The following AGBL4 variants were observed in gnomAD, a reference collection of about 807,000 sequenced individuals.
AGBL4 encodes the protein cytosolic carboxypeptidase 6.
In AGBL4, 58 loss-of-function variants were observed where a neutral mutation model predicts 66.4. The observed-to-expected ratio is 0.87, with a 90% CI of 0.71 to 1.09. AGBL4 has a LOEUF of 1.09. AGBL4 is among the 50% of genes least tolerant of loss of function. AGBL4 has a pLI of 0.00. For missense variants in AGBL4, 579 were observed against 631.0 expected (o/e 0.92, Z 0.88); for synonymous variants, 234 against 222.9 (o/e 1.05, Z -0.44).
At chr1:49,400,915 C>A (rs961713489) in intron 3 of AGBL4, among the ~76,000 whole-genome samples, 3 of 152,110 alleles carry the variant, frequency 2.0e-5, no homozygotes, top group Non-Finnish European at 4.4e-5. Flanking sequence ...AGCTTTCAGT[C>A]TTTTTCCCAT....
intron 1 of AGBL4, among the ~76,000 whole-genome samples, chr1:49,875,214 G>C (rs1056856558): frequency 2.0e-4 from 29 of 148,052 alleles, no homozygotes; most frequent in Non-Finnish European, 3.9e-4. Flanking sequence ...GTGCAGGTTA[G>C]TTACATATGT....
intron 1 of AGBL4, among the ~76,000 whole-genome samples, chr1:49,877,267 C>T (rs1345043139): frequency 1.3e-5 from 2 of 150,710 alleles, no homozygotes; most frequent in African/African-American, 2.5e-5. Context: ...CCAGTTTTTG[C>T]CCATTCAGTA....
intron 3 of AGBL4, among the ~76,000 whole-genome samples, chr1:49,573,163 T>C (rs1644367975): frequency 6.7e-6 from 1 of 150,002 alleles, no homozygotes; most frequent in Non-Finnish European, 1.5e-5. Flanking sequence ...TGTGTGTGTG[T>C]GTGTGTGTGT....
intron 1 of AGBL4, among the ~76,000 whole-genome samples, chr1:49,999,206 A>G (rs1660569941): frequency 6.6e-6 from 1 of 152,102 alleles, no homozygotes; most frequent in Non-Finnish European, 1.5e-5. Context: ...AAGCTCCTAG[A>G]ACTGATAAAT....
chr1:49,784,366 C>T (rs1644403294), intron 2 of AGBL4, among the ~76,000 whole-genome samples: 1 of 151,998 alleles, frequency 6.6e-6, no homozygotes, highest in African/African-American at 2.4e-5. Flanking sequence ...GGTGCCAAGA[C>T]CATTTGATAG....
chr1:49,798,145 G>T (rs1025416706), intron 2 of AGBL4, among the ~76,000 whole-genome samples: 1 of 152,140 alleles, frequency 6.6e-6, no homozygotes, highest in Admixed American at 6.5e-5. Flanking sequence ...GGGAAGAATC[G>T]AATCTGATGG....
chr1:48,643,041 A>G (rs1412830137), intron 8 of AGBL4, among the ~76,000 whole-genome samples: 1 of 152,174 alleles, frequency 6.6e-6, no homozygotes, highest in Non-Finnish European at 1.5e-5. Context: ...GGTTGTTTTG[A>G]GGACTCAATG....
intron 9 of AGBL4, among the ~76,000 whole-genome samples, chr1:48,597,942 AAGAG>A (rs1375592487): frequency 2.6e-5 from 4 of 152,102 alleles, no homozygotes; most frequent in Non-Finnish European, 5.9e-5. Flanking sequence ...AAAAGAAAGA[AAGAG>A]AGAAAGAAAG....
intron 3 of AGBL4, among the ~76,000 whole-genome samples, chr1:49,661,583 G>A (rs548659909): frequency 1.4e-4 from 22 of 152,194 alleles, no homozygotes; most frequent in African/African-American, 5.1e-4. Flanking sequence ...AGCAAATGCT[G>A]GCACTATGCT....
chr1:49,473,087 C>T (rs1430579708), intron 3 of AGBL4, among the ~76,000 whole-genome samples: 4 of 151,992 alleles, frequency 2.6e-5, no homozygotes, highest in Non-Finnish European at 5.9e-5. Context: ...CATGTCATTG[C>T]TATGGTGAAT....
At chr1:49,233,004 A>G (rs751924938) in intron 4 of AGBL4, among the ~76,000 whole-genome samples, 4 of 152,214 alleles carry the variant, frequency 2.6e-5, no homozygotes, top group Non-Finnish European at 4.4e-5. Context: ...AATATATTTA[A>G]CCAATCACTA....
chr1:48,744,035 G>T (rs1258968401), intron 6 of AGBL4, among the ~76,000 whole-genome samples: 4 of 152,158 alleles, frequency 2.6e-5, no homozygotes, highest in Non-Finnish European at 4.4e-5. Context: ...AACTCATCCT[G>T]GTAGAGATTT....
intron 1 of AGBL4, among the ~76,000 whole-genome samples, chr1:49,925,124 G>T (rs969191371): frequency 6.6e-6 from 1 of 152,148 alleles, no homozygotes; most frequent in Non-Finnish European, 1.5e-5. Context: ...CTCATGGGGT[G>T]ACTCCATCCT....
At chr1:49,952,196 G>A (rs148810543) in intron 1 of AGBL4, among the ~76,000 whole-genome samples, 9 of 151,868 alleles carry the variant, frequency 5.9e-5, no homozygotes, top group Non-Finnish European at 1.3e-4. Context: ...GGTAGAGAGT[G>A]GATAGTACTA....
intron 4 of AGBL4, among the ~76,000 whole-genome samples, chr1:49,207,868 T>C (rs1448089933): frequency 6.6e-6 from 1 of 151,922 alleles, no homozygotes; most frequent in Non-Finnish European, 1.5e-5. Flanking sequence ...GTTACTCCAC[T>C]CAACCTCATT....
chr1:48,721,845 CCA>C (rs1239726992), intron 6 of AGBL4, among the ~76,000 whole-genome samples: 1 of 152,184 alleles, frequency 6.6e-6, no homozygotes, highest in East Asian at 1.9e-4. Flanking sequence ...GGATTGGGCC[CCA>C]GTCTCCTAAT....
At chr1:49,408,279 T>G (rs1177961510) in intron 3 of AGBL4, among the ~76,000 whole-genome samples, 1 of 152,226 alleles carries the variant, frequency 6.6e-6, no homozygotes, top group East Asian at 1.9e-4. Flanking sequence ...AAAAAATGCA[T>G]GTGATAACAC....
intron 1 of AGBL4, among the ~76,000 whole-genome samples, chr1:49,860,632 G>A (rs899722709): frequency 2.0e-5 from 3 of 152,102 alleles, no homozygotes; most frequent in African/African-American, 4.8e-5. Context: ...CCAGGAGCTC[G>A]AGACTGCAGT....
chr1:49,460,990 T>C lies in AGBL4; in HGVS notation c.283-215126A>G, dbSNP rs185548359. ...TGCTGTTAATCTGACAGGTTTTCCT[T>C]TGTAGGGTACCTGACGTTTTTGTCT... On this transcript the variant is annotated intron_variant, in intron 3 of 13. Coordinates refer to ENST00000371839, the MANE Select transcript of AGBL4 (RefSeq NM_032785.4). Among the ~76,000 whole-genome samples, 70 of 151,834 alleles carry C rather than the reference T, an allele frequency of 4.6e-4. 3 individuals are homozygous for C. Among genetic ancestry groups the C allele is most frequent in the Non-Finnish European group, 8.4e-4 (57 of 67,822 alleles).
Sources: gnomAD v4.1 joint callset for allele counts (sites outside exome capture counted in the v4.1 genomes callset) on GRCh38, gnomAD v4.1.1 for gene constraint, MANE v1.5 for transcripts, NCBI Gene and HGNC (gene_info 2026-07-23, HGNC 2026-07-21) for gene names.